GPR158: variants seen among roughly 807,000 people sequenced by gnomAD.
GPR158 encodes the protein G protein-coupled receptor 158.
Under a neutral mutation model 78.2 loss-of-function variants are expected in GPR158, and 30 were observed. That is an observed-to-expected ratio of 0.38 (90% CI 0.29 to 0.52). GPR158 has a LOEUF of 0.52. GPR158 is among the 20% of genes least tolerant of loss of function. The pLI, the probability that GPR158 is intolerant of heterozygous loss-of-function variation, is 0.83. For synonymous variants in GPR158, 581 were observed against 591.1 expected (o/e 0.98, Z 0.25); for missense variants, 1,463 against 1,523.5 (o/e 0.96, Z 0.66).
intron 4 of GPR158, among the ~76,000 whole-genome samples, chr10:25,457,304 T>G (rs1398992388): frequency 6.6e-6 from 1 of 152,030 alleles, no homozygotes; most frequent in Non-Finnish European, 1.5e-5. Context: ...TGTTAATAGC[T>G]TTTAATGAGT....
chr10:25,388,981 C>A (rs1363957242), intron 2 of GPR158, among the ~76,000 whole-genome samples: 1 of 152,230 alleles, frequency 6.6e-6, no homozygotes, highest in Non-Finnish European at 1.5e-5. Flanking sequence ...GCCACCTTGG[C>A]CCCCTCTAGA....
chr10:25,381,955 T>C (rs1834161208), intron 2 of GPR158, among the ~76,000 whole-genome samples: 1 of 152,198 alleles, frequency 6.6e-6, no homozygotes, highest in Non-Finnish European at 1.5e-5. Flanking sequence ...CAGACCATGA[T>C]TTTGTTCTTT....
intron 2 of GPR158, among the ~76,000 whole-genome samples, chr10:25,235,736 A>G (rs1169461887): frequency 7.5e-6 from 1 of 133,892 alleles, no homozygotes; most frequent in African/African-American, 2.9e-5. Flanking sequence ...TCTCTCTGTC[A>G]TCCAGGCTGG....
chr10:25,270,478 G>A (rs1484315983), intron 2 of GPR158, among the ~76,000 whole-genome samples: 1 of 152,096 alleles, frequency 6.6e-6, no homozygotes, highest in African/African-American at 2.4e-5. Context: ...GAAAAGCCAG[G>A]CAACAAAGCA....
intron 2 of GPR158, among the ~76,000 whole-genome samples, chr10:25,372,344 C>T (rs1834007860): frequency 1.3e-5 from 2 of 151,790 alleles, no homozygotes; most frequent in South Asian, 4.2e-4. Context: ...TTGACCCAGC[C>T]ATCCCATTAC....
chr10:25,260,142 C>T (rs559419274), intron 2 of GPR158, among the ~76,000 whole-genome samples: 31 of 152,198 alleles, frequency 2.0e-4, no homozygotes, highest in Admixed American at 6.5e-4. Flanking sequence ...TGTTTGACTA[C>T]GGCACATAAC....
intron 4 of GPR158, among the ~76,000 whole-genome samples, chr10:25,461,997 C>G (rs1835363718): frequency 6.6e-6 from 1 of 152,126 alleles, no homozygotes; most frequent in Non-Finnish European, 1.5e-5. Flanking sequence ...ACGTTGGCCT[C>G]CCAACGTGCT....
intron 3 of GPR158, among the ~76,000 whole-genome samples, chr10:25,403,897 G>T (rs1396819870): frequency 6.6e-6 from 1 of 151,904 alleles, no homozygotes; most frequent in Non-Finnish European, 1.5e-5. Flanking sequence ...ATTGTTTATT[G>T]AGTATCCAAT....
At chr10:25,277,519 C>T (rs373639666) in intron 2 of GPR158, among the ~76,000 whole-genome samples, 15 of 151,676 alleles carry the variant, frequency 9.9e-5, no homozygotes, top group African/African-American at 2.7e-4. Flanking sequence ...AACAAACAAA[C>T]GAACAAGAAA....
At chr10:25,280,791 A>T (rs1419213243) in intron 2 of GPR158, among the ~76,000 whole-genome samples, 6 of 152,200 alleles carry the variant, frequency 3.9e-5, no homozygotes, top group Non-Finnish European at 5.9e-5. Context: ...ATCTGAATCA[A>T]CACATTTTAA....
At chr10:25,453,867 G>T (rs1026041525) in intron 4 of GPR158, among the ~76,000 whole-genome samples, 1 of 152,100 alleles carries the variant, frequency 6.6e-6, no homozygotes, top group Non-Finnish European at 1.5e-5. Context: ...GTATTGTGAT[G>T]CCTCCAACTT....
At chr10:25,275,696 A>G (rs550681028) in intron 2 of GPR158, among the ~76,000 whole-genome samples, 2 of 152,322 alleles carry the variant, frequency 1.3e-5, no homozygotes, top group South Asian at 4.1e-4. Context: ...GCCCTCTGCC[A>G]TGATAAAGCA....
At chr10:25,433,561 G>T (rs1283793909) in intron 4 of GPR158, among the ~76,000 whole-genome samples, 1 of 148,248 alleles carries the variant, frequency 6.7e-6, no homozygotes, top group Non-Finnish European at 1.5e-5. Context: ...GTGTGTGTGT[G>T]TGTGTGTGTG....
chr10:25,567,593 G>A (rs1488613215), intron 6 of GPR158, among the ~76,000 whole-genome samples: 4 of 152,260 alleles, frequency 2.6e-5, no homozygotes, highest in Non-Finnish European at 5.9e-5. Context: ...TAGGTGGGAG[G>A]AGGGATGGTG....
chr10:25,439,281 C>T (rs981253388), intron 4 of GPR158, among the ~76,000 whole-genome samples: 12 of 152,100 alleles, frequency 7.9e-5, no homozygotes, highest in Admixed American at 5.2e-4. Flanking sequence ...GAGAAAGAAG[C>T]GAAAGTGGAA....
chr10:25,330,102 G>A (rs1281911393), intron 2 of GPR158, among the ~76,000 whole-genome samples: 1 of 151,384 alleles, frequency 6.6e-6, no homozygotes, highest in Non-Finnish European at 1.5e-5. Flanking sequence ...CCATGCTGGT[G>A]CGCTACACCC....
intron 5 of GPR158, among the ~76,000 whole-genome samples, chr10:25,497,042 T>C (rs1225544675): frequency 2.6e-5 from 4 of 152,050 alleles, no homozygotes; most frequent in African/African-American, 9.7e-5. Flanking sequence ...AGGAAAAGTA[T>C]CCCAGTGAAG....
chr10:25,592,505 G>A (rs992535071), intron 8 of GPR158, among the ~76,000 whole-genome samples: 7 of 151,820 alleles, frequency 4.6e-5, no homozygotes, highest in African/African-American at 9.7e-5. Context: ...TTGAAAATAC[G>A]AAGCTTTAAA....
At chr10:25,215,344 A>C (rs1334745086) in intron 1 of GPR158, among the ~76,000 whole-genome samples, 1 of 152,108 alleles carries the variant, frequency 6.6e-6, no homozygotes, top group Non-Finnish European at 1.5e-5. Context: ...GTAGAAAAGT[A>C]GTTCTAATCC....
Sources: allele counts gnomAD v4.1 joint callset (sites outside exome capture counted in the v4.1 genomes callset), GRCh38; gene constraint gnomAD v4.1.1; transcripts MANE v1.5; gene names NCBI Gene and HGNC (gene_info 2026-07-23, HGNC 2026-07-21).